Variants in UGT1A10 observed in about 807,000 individuals in gnomAD.
UGT1A10 encodes the protein UDP glucuronosyltransferase family 1 member A10.
A neutral mutation model predicts 45.8 loss-of-function variants in UGT1A10; 49 were observed. That is an observed-to-expected ratio of 1.07 (90% confidence interval 0.85 to 1.36). The LOEUF is 1.36. Among genes scored for constraint, UGT1A10 ranks in the 40% most tolerant of loss-of-function variants. The pLI, the probability that UGT1A10 is intolerant of heterozygous loss-of-function variation, is 0.00. For missense variants in UGT1A10, 745 were observed against 668.6 expected (o/e 1.11, Z -1.26); for synonymous variants, 284 against 249.7 (o/e 1.14, Z -1.29).
chr2:233,729,994 G>A, intron 1 of UGT1A10: 1 of 1,613,954 alleles, frequency 6.2e-7, no homozygotes. Flanking sequence ...ACTATCTCAG[G>A]TCTGTATTGG....
chr2:233,687,549 G>A lies in UGT1A10; in HGVS notation c.855+50172G>A, dbSNP rs6737107. 1.6e-3 allele frequency among the ~76,000 whole-genome samples: 229 copies of A among 144,690 alleles called. 1 individual carries two copies. The highest frequency in any genetic ancestry group is 5.8e-3 in the African/African-American group (227 of 38,850). 94.9% of individuals were successfully genotyped at this position (144,690 alleles called of 152,430 possible). A position where few individuals can be genotyped will look rare whatever the true frequency, so the allele number is the denominator to read the frequency against. On this transcript the variant is annotated intron_variant, in intron 1 of 4. Coordinates refer to ENST00000344644, the MANE Select transcript of UGT1A10 (RefSeq NM_019075.4). ...GCCCAAGGTTATGCCTCAAGTAAGT[G>A]GGGGAGCCAGAATTCAAGACCATAC...
chr2:233,712,940 C>G (rs367897859), intron 1 of UGT1A10: 1 of 1,612,388 alleles, frequency 6.2e-7, no homozygotes. Context: ...GGAAACAATT[C>G]TAGGAGGCAC....
rs1358825451 is a variant in UGT1A10, at chr2:233,772,781, A to T, written c.*222A>T. ...TATCGTGCCCCCTCTGGTGTCTTTG[A>T]TCAGGATGACATGTGCCATTTTTCA... On this transcript the variant is annotated 3_prime_UTR_variant, in exon 5 of 5. Transcript: ENST00000344644. The T allele has an allele frequency of 2.3e-6, 3 of 1,287,486 alleles. No homozygotes were observed. Among genetic ancestry groups the T allele is most frequent in the Non-Finnish European group, 3.1e-6 (3 of 975,386 alleles). The allele number at this position is 1,287,486 out of a possible 1,614,324, so 79.8% of individuals were successfully genotyped here.
chr2:233,704,888 CT>C lies in UGT1A10; in HGVS notation c.856-62143del, dbSNP rs1342993074. On this transcript the variant is annotated intron_variant, in intron 1 of 4. Transcript: ENST00000344644. ...GTGGCTCACTCCTGTAATCCCAGCA[CT>C]TTGGAAGGCTGAGGCAGGTGGATCA... Among the ~76,000 whole-genome samples the C allele has an allele frequency of 1.2e-4, 18 of 152,168 alleles. No individual in the cohort carries two copies. The East Asian group carries it at 3.5e-3, about 29-fold the overall frequency.
intron 1 of UGT1A10, chr2:233,747,344 G>A (rs1693636128): frequency 6.2e-7 from 1 of 1,603,174 alleles, no homozygotes; most frequent in African/African-American, 1.3e-5. Context: ...TGGCTCGCAT[G>A]CGGGAGGCCG....
chr2:233,666,279 C>G (rs2074074439), intron 1 of UGT1A10, among the ~76,000 whole-genome samples: 1 of 152,226 alleles, frequency 6.6e-6, no homozygotes. Flanking sequence ...CAAACACCTC[C>G]TGCTAAGCCC....
In UGT1A10 at chr2:233,767,042, AGCCTACATTAAT is replaced by A; in HGVS notation, c.867_878del (p.Tyr290_Ala293del). The A allele has an allele frequency of 6.2e-7, 1 of 1,614,104 alleles. No individual in the cohort carries two copies. The highest frequency in any genetic ancestry group is 8.5e-7 in the Non-Finnish European group (1 of 1,179,998). ...TTTTCTTCTGGCTCTAGGAATTTGA[AGCCTACATTAAT>A]GCTTCTGGAGAACATGGAATTGTGG... On this transcript the variant is annotated inframe_deletion, in exon 2 of 5. Coordinates refer to ENST00000344644, the MANE Select transcript of UGT1A10 (RefSeq NM_019075.4).
chr2:233,650,125 C>A (rs2073703310), intron 1 of UGT1A10, among the ~76,000 whole-genome samples: 1 of 152,128 alleles, frequency 6.6e-6, no homozygotes, highest in African/African-American at 2.4e-5. Flanking sequence ...CACATGCCAC[C>A]ACACCCAGCT....
chr2:233,691,372 G>A, intron 1 of UGT1A10: 5 of 985,552 alleles, frequency 5.1e-6, no homozygotes, highest in Non-Finnish European at 6.0e-6. Flanking sequence ...TTTGCATCCT[G>A]GTTATGTTCC....
At chr2:233,684,999 GTGT>G (rs1465580748) in intron 1 of UGT1A10, among the ~76,000 whole-genome samples, 3 of 152,102 alleles carry the variant, frequency 2.0e-5, no homozygotes, top group African/African-American at 7.2e-5. Flanking sequence ...TGTGTATGTG[GTGT>G]TTGTGCACGT....
At chr2:233,737,210 G>A (rs2078852956) in intron 1 of UGT1A10, among the ~76,000 whole-genome samples, 1 of 152,244 alleles carries the variant, frequency 6.6e-6, no homozygotes, top group South Asian at 2.1e-4. Context: ...GGTGGACTCT[G>A]TTCAGTTCCA....
intron 1 of UGT1A10, among the ~76,000 whole-genome samples, chr2:233,685,381 G>C (rs1450820736): frequency 1.3e-5 from 2 of 152,102 alleles, no homozygotes; most frequent in Non-Finnish European, 2.9e-5. Flanking sequence ...CACTTTTCTT[G>C]ACTTGTTGGT....
At chr2:233,672,363 T>C in intron 1 of UGT1A10, 1 of 1,614,210 alleles carries the variant, frequency 6.2e-7, no homozygotes, top group Non-Finnish European at 8.5e-7. Flanking sequence ...GTTCTTTTGA[T>C]GCAGTGTTTC....
At chr2:233,719,619 AG>A in intron 1 of UGT1A10, 1 of 1,614,060 alleles carries the variant, frequency 6.2e-7, no homozygotes, top group Non-Finnish European at 8.5e-7. Context: ...GGACTACCCC[AG>A]GCCGATCATG....
At chr2:233,746,859 G>T (rs1300459019) in intron 1 of UGT1A10, among the ~76,000 whole-genome samples, 1 of 151,794 alleles carries the variant, frequency 6.6e-6, no homozygotes, top group South Asian at 2.1e-4. Context: ...CTCAGCTGCA[G>T]CCTGATAAAC....
chr2:233,743,701 C>G (rs13009407), intron 1 of UGT1A10: 330,777 of 1,367,248 alleles, frequency 0.24, 43,102 homozygotes, highest in South Asian at 0.3. Flanking sequence ...CGCCCTCCGC[C>G]CCCGCCTCGC....
intron 1 of UGT1A10, among the ~76,000 whole-genome samples, chr2:233,680,212 A>T (rs945771439): frequency 2.2e-4 from 33 of 152,154 alleles, no homozygotes; most frequent in Non-Finnish European, 1.5e-5. Context: ...TGCACTTTAT[A>T]GTCCCATGGT....
chr2:233,655,853 C>G (rs2073843013), intron 1 of UGT1A10, among the ~76,000 whole-genome samples: 1 of 152,242 alleles, frequency 6.6e-6, no homozygotes, highest in Admixed American at 6.5e-5. Context: ...CCCCCATCCC[C>G]TCACTCCAGC....
At chr2:233,744,610 G>T (rs1221206555) in intron 1 of UGT1A10, among the ~76,000 whole-genome samples, 1 of 151,880 alleles carries the variant, frequency 6.6e-6, no homozygotes, top group Non-Finnish European at 1.5e-5. Flanking sequence ...TTAGTACTTG[G>T]CTCTATAGAG....
Sources: allele counts gnomAD v4.1 joint callset (sites outside exome capture counted in the v4.1 genomes callset), GRCh38; gene constraint gnomAD v4.1.1; transcripts MANE v1.5; gene names NCBI Gene and HGNC (gene_info 2026-07-23, HGNC 2026-07-21).